The following FMN2 variants were observed in gnomAD, a reference collection of about 807,000 sequenced individuals.
FMN2 encodes formin 2, also known as formin-2.
FMN2 carries 51 observed loss-of-function variants against 142.3 expected under a neutral mutation model. That is an observed-to-expected ratio of 0.36 (90% CI 0.29 to 0.45). The LOEUF is 0.45. Ranked by LOEUF, FMN2 falls within the 20% of genes least tolerant of loss-of-function variation. FMN2 has a pLI of 1.00. For missense variants in FMN2, 1,936 were observed against 2,122.8 expected (o/e 0.91, Z 1.73); for synonymous variants, 882 against 869.8 (o/e 1.01, Z -0.25).
chr1:240,184,685 C>A (rs1665323592), intron 3 of FMN2, among the ~76,000 whole-genome samples: 1 of 151,882 alleles, frequency 6.6e-6, no homozygotes, highest in African/African-American at 2.4e-5. Flanking sequence ...TCAGTCTGTC[C>A]TAGAGCTGGG....
chr1:240,437,242 TCAA>T (rs983519057), intron 15 of FMN2, among the ~76,000 whole-genome samples: 3 of 150,748 alleles, frequency 2.0e-5, no homozygotes, highest in African/African-American at 4.9e-5. Flanking sequence ...TGGTCTCTAC[TCAA>T]TGATAGCACT....
At chr1:240,432,684 T>A (rs1008022347) in intron 15 of FMN2, among the ~76,000 whole-genome samples, 1 of 152,078 alleles carries the variant, frequency 6.6e-6, no homozygotes, top group Non-Finnish European at 1.5e-5. Flanking sequence ...ATATTTTTTG[T>A]TTTTATTTTT....
rs541416092 is a variant in FMN2 at position 240,153,927 on chromosome 1, C to T, written c.1783-23994C>T. Among the ~76,000 whole-genome samples, 5 of 151,786 alleles carry T rather than the reference C, an allele frequency of 3.3e-5. No individual in the cohort carries two copies. The South Asian group carries it at 8.3e-4, about 25-fold the overall frequency. ...GTTCAGGGGTTCGAGACCAGCCTGG[C>T]CAACATGGCACAACCCTGCCTCTAC... is the stretch of plus-strand genomic sequence containing the variant. On this transcript the variant is annotated intron_variant, in intron 2 of 17. Transcript: ENST00000319653.
intron 14 of FMN2, among the ~76,000 whole-genome samples, chr1:240,361,186 A>AG (rs1672469324): frequency 1.2e-5 from 1 of 82,226 alleles, no homozygotes; most frequent in Non-Finnish European, 3.0e-5. Context: ...TATATATATA[A>AG]AAGAGTTTAA....
At chr1:240,351,914 G>A (rs1672109396) in intron 13 of FMN2, among the ~76,000 whole-genome samples, 1 of 152,160 alleles carries the variant, frequency 6.6e-6, no homozygotes, top group Admixed American at 6.5e-5. Context: ...TCATGGATGT[G>A]TATGATATCA....
At chr1:240,274,026 G>A (rs962920381) in intron 7 of FMN2, among the ~76,000 whole-genome samples, 23 of 152,132 alleles carry the variant, frequency 1.5e-4, no homozygotes, top group Middle Eastern at 6.8e-3. Context: ...GCCATAATTC[G>A]TTCACTCCTA....
At chr1:240,449,014 T>C (rs1367366035) in intron 16 of FMN2, among the ~76,000 whole-genome samples, 1 of 151,710 alleles carries the variant, frequency 6.6e-6, no homozygotes, top group Non-Finnish European at 1.5e-5. Context: ...TGGTGGCGCC[T>C]TCCTGAATTC....
At chr1:240,194,007 C>T (rs1275697828) in intron 4 of FMN2, among the ~76,000 whole-genome samples, 1 of 152,102 alleles carries the variant, frequency 6.6e-6, no homozygotes, top group Admixed American at 6.6e-5. Flanking sequence ...CTTGTTCCAA[C>T]CCTAAAAAAT....
chr1:240,409,205 G>T (rs960770211), intron 15 of FMN2, among the ~76,000 whole-genome samples: 3 of 151,944 alleles, frequency 2.0e-5, no homozygotes, highest in Non-Finnish European at 2.9e-5. Flanking sequence ...TGTGGTGGTG[G>T]GATTTCAGCT....
chr1:240,137,906 A>G lies in FMN2; in HGVS notation c.1782+14561A>G, dbSNP rs1259874557. 4.6e-5 allele frequency among the ~76,000 whole-genome samples: 7 copies of G among 151,810 alleles called. No individual in the cohort carries two copies. The South Asian group carries it at 8.3e-4, about 18-fold the overall frequency. ...GAAGTTTGAGACCAGCCTGGCCAAC[A>G]TGGTGAAACCTTGTCTCTACTACAA... On this transcript the variant is annotated intron_variant, in intron 2 of 17. Coordinates refer to ENST00000319653, the MANE Select transcript of FMN2 (RefSeq NM_020066.5).
At chr1:240,439,763 G>A (rs551662216) in intron 16 of FMN2, among the ~76,000 whole-genome samples, 157 of 152,236 alleles carry the variant, frequency 1.0e-3, no homozygotes, top group African/African-American at 3.4e-3. Flanking sequence ...TTCAGACTAA[G>A]TCATATATTA....
At chr1:240,417,801 G>T (rs556773752) in intron 15 of FMN2, among the ~76,000 whole-genome samples, 4 of 152,094 alleles carry the variant, frequency 2.6e-5, no homozygotes, top group African/African-American at 7.2e-5. Context: ...TTTATTTATC[G>T]TAAATTTCAC....
At chr1:240,147,052 G>A (rs1663514343) in intron 2 of FMN2, among the ~76,000 whole-genome samples, 1 of 152,146 alleles carries the variant, frequency 6.6e-6, no homozygotes, top group Non-Finnish European at 1.5e-5. Context: ...AGTTTAGTTG[G>A]CCGGAGTGGA....
In FMN2 at chr1:240,165,916, A is replaced by G. The variant is rs1454828741; in HGVS notation, c.1783-12005A>G. On this transcript the variant is annotated intron_variant, in intron 2 of 17. Transcript: ENST00000319653. The stretch of plus-strand genomic sequence containing the variant: ...TCTCTCTTAGAGGTCAGGGTCCTCC[A>G]GTCCCTTTCCCCGGATAATGTGTCC... 6.6e-5 allele frequency among the ~76,000 whole-genome samples: 10 copies of G among 152,172 alleles called. 1 individual carries two copies. The East Asian group carries it at 1.9e-3, about 30-fold the overall frequency.
intron 16 of FMN2, among the ~76,000 whole-genome samples, chr1:240,445,370 C>T (rs969746745): frequency 6.6e-6 from 1 of 152,172 alleles, no homozygotes; most frequent in African/African-American, 2.4e-5. Flanking sequence ...AGGGAGTCAT[C>T]TTGCAGAATC....
At chr1:240,382,224 A>G (rs1673248683) in intron 14 of FMN2, among the ~76,000 whole-genome samples, 1 of 152,244 alleles carries the variant, frequency 6.6e-6, no homozygotes, top group Non-Finnish European at 1.5e-5. Flanking sequence ...CCCATTTACA[A>G]TGGCCATATA....
chr1:240,447,002 G>A (rs1675840678), intron 16 of FMN2, among the ~76,000 whole-genome samples: 1 of 152,152 alleles, frequency 6.6e-6, no homozygotes, highest in Admixed American at 6.6e-5. Context: ...AGGGCAAATG[G>A]ATAATCAAAG....
At chr1:240,222,995 G>T (rs1297190530) in intron 6 of FMN2, among the ~76,000 whole-genome samples, 3 of 152,144 alleles carry the variant, frequency 2.0e-5, no homozygotes, top group African/African-American at 4.8e-5. Flanking sequence ...TTGCCTGATT[G>T]CCCTGGCCAG....
rs189667445 is a variant in FMN2 at position 240,209,973 on chromosome 1, G to A, written c.3921-1118G>A. Reference sequence around the variant, plus strand: ...GCCCTGGTTTACAGTCCCATCTTGTGGGCTTTCTTCAGAAACATGCTTCAC... The same window carrying A: ...GCCCTGGTTTACAGTCCCATCTTGTAGGCTTTCTTCAGAAACATGCTTCAC... On this transcript the variant is annotated intron_variant, in intron 5 of 17. Coordinates refer to ENST00000319653, the MANE Select transcript of FMN2 (RefSeq NM_020066.5). 2.7e-3 allele frequency among the ~76,000 whole-genome samples: 411 copies of A among 152,206 alleles called. 2 individuals carry two copies. In the South Asian group the frequency reaches 0.027, roughly 10 times the overall value.
Sources: allele counts gnomAD v4.1 joint callset (sites outside exome capture counted in the v4.1 genomes callset), GRCh38; gene constraint gnomAD v4.1.1; transcripts MANE v1.5; gene names NCBI Gene and HGNC (gene_info 2026-07-23, HGNC 2026-07-21).